The following MGAT3 variants were observed in gnomAD, a reference collection of about 807,000 sequenced individuals.
MGAT3 encodes GlcNAc-T III.
MGAT3 carries 9 observed loss-of-function variants against 29.8 expected under a neutral mutation model. The ratio of observed to expected loss-of-function variants is 0.30; its 90% CI spans 0.18 to 0.53. MGAT3 has a LOEUF of 0.53. Ranked by LOEUF, MGAT3 falls within the 20% of genes least tolerant of loss-of-function variation. The pLI is 0.96. For missense variants in MGAT3, 557 were observed against 769.5 expected, an observed-to-expected ratio of 0.72 and a Z score of 3.27; for synonymous variants, 397 against 348.9, an observed-to-expected ratio of 1.14 and a Z score of -1.54.
At chr22:39,469,639 A>G (rs1478695443) in intron 1 of MGAT3, among the ~76,000 whole-genome samples, 1 of 152,246 alleles carries the variant, frequency 6.6e-6, no homozygotes, top group East Asian at 1.9e-4. Flanking sequence ...CACCCGGGGC[A>G]CAATGCCTGG....
At chr22:39,458,243 C>T (rs1928397160) in intron 1 of MGAT3, among the ~76,000 whole-genome samples, 3 of 151,956 alleles carry the variant, frequency 2.0e-5, no homozygotes, top group Admixed American at 6.6e-5. Flanking sequence ...GAGGGGAGTG[C>T]GCCTGGGTGT....
intron 1 of MGAT3, among the ~76,000 whole-genome samples, chr22:39,483,955 C>T (rs1205919034): frequency 6.6e-6 from 1 of 152,184 alleles, no homozygotes; most frequent in African/African-American, 2.4e-5. Context: ...TCGAATGGGG[C>T]AAACGCTGCC....
intron 1 of MGAT3, among the ~76,000 whole-genome samples, chr22:39,483,340 C>G (rs971416385): frequency 2.4e-4 from 37 of 152,130 alleles, no homozygotes; most frequent in African/African-American, 8.2e-4. Context: ...ACTAAAGATA[C>G]AAAATTAGCC....
At chr22:39,482,093 A>G (rs1276899268) in intron 1 of MGAT3, among the ~76,000 whole-genome samples, 9 of 151,396 alleles carry the variant, frequency 5.9e-5, no homozygotes, top group Non-Finnish European at 1.0e-4. Context: ...AGCTAGAACT[A>G]CAGGCACATA....
chr22:39,489,067 G>T lies in MGAT3; in HGVS notation c.*118G>T. On this transcript the variant is annotated 3_prime_UTR_variant, in exon 2 of 2. Coordinates refer to ENST00000341184, the MANE Select transcript of MGAT3 (RefSeq NM_002409.5). The stretch of plus-strand genomic sequence containing the variant: ...AGGGGACCAGGAGTGGGTGGGGAGT[G>T]GGGGTGGGGGTAGGGTTTCCCTACT... The T allele has an allele frequency of 8.7e-7, 1 of 1,145,714 alleles. No homozygotes were observed. The allele number at this position is 1,145,714 out of a possible 1,614,324, so 71.0% of individuals were successfully genotyped here. A position where few individuals can be genotyped will look rare whatever the true frequency, so the allele number is the denominator to read the frequency against.
chr22:39,462,936 C>A (rs969490163), intron 1 of MGAT3, among the ~76,000 whole-genome samples: 2 of 152,136 alleles, frequency 1.3e-5, no homozygotes, highest in African/African-American at 4.8e-5. Context: ...GGGAGACAGA[C>A]CTGTGCACGT....
In MGAT3 at chr22:39,489,048, C is replaced by A; in HGVS notation, c.*99C>A. On this transcript the variant is annotated 3_prime_UTR_variant, in exon 2 of 2. Coordinates refer to ENST00000341184, the MANE Select transcript of MGAT3 (RefSeq NM_002409.5). The stretch of plus-strand genomic sequence containing the variant: ...GCCGGCTCCTTGGTTCTTGAGGGGA[C>A]CAGGAGTGGGTGGGGAGTGGGGGTG... The A allele has an allele frequency of 7.3e-7, 1 of 1,376,686 alleles. No homozygotes were observed. The highest frequency in any genetic ancestry group is 9.7e-7 in the Non-Finnish European group (1 of 1,032,370). 85.3% of individuals were successfully genotyped at this position (1,376,686 alleles called of 1,614,324 possible).
At position 39,488,745 on chromosome 22, in the gene MGAT3, C is replaced by T. The variant is rs371980607; in HGVS notation, c.1398C>T (p.Asp466=). ...TGATCCGCACCGGGGGCTGGTTCGA[C>T]GGCACGCAGCAGGAGTACCCGCCTG... ...RGLIRTGGWF[D]GTQQEYPPAD... Residue 466 remains aspartate (D), a synonymous_variant, in exon 2 of 2, where the codon GAC becomes GAT. Coordinates refer to ENST00000341184, the MANE Select transcript of MGAT3 (RefSeq NM_002409.5). 6 of 1,613,058 alleles carry T rather than the reference C, an allele frequency of 3.7e-6. No individual in the cohort carries two copies. Among genetic ancestry groups the T allele is most frequent in the South Asian group, 2.2e-5 (2 of 91,026 alleles).
At position 39,488,919 on chromosome 22, in the gene MGAT3, C is replaced by T. The variant is rs1435761161; in HGVS notation, c.1572C>T (p.Ala524=). The T allele has an allele frequency of 2.5e-6, 4 of 1,604,990 alleles. No individual in the cohort carries two copies. The South Asian group carries it at 4.4e-5, about 18-fold the overall frequency. ...GGGGTCCCGAGGGAAGGCCGCCCGC[C>T]CGGGGCAAACTGGACGAGGCGGAAG... ...RHRGPEGRPP[A]RGKLDEAEV The change falls in exon 2 of 2, where the codon GCC becomes GCT. Residue 524 remains alanine, a synonymous_variant. Transcript: ENST00000341184.
At chr22:39,475,453 C>T (rs1928931242) in intron 1 of MGAT3, among the ~76,000 whole-genome samples, 1 of 152,124 alleles carries the variant, frequency 6.6e-6, no homozygotes, top group Non-Finnish European at 1.5e-5. Context: ...TCTCCTTCTG[C>T]CAATCACCTG....
chr22:39,476,945 G>A (rs1016563250), intron 1 of MGAT3: 1 of 152,274 alleles, frequency 6.6e-6, no homozygotes. Flanking sequence ...TGTTTCTTCA[G>A]TCTCGCCGGG....
intron 1 of MGAT3, among the ~76,000 whole-genome samples, chr22:39,485,203 A>C (rs1929237260): frequency 6.6e-6 from 1 of 152,066 alleles, no homozygotes; most frequent in Non-Finnish European, 1.5e-5. Flanking sequence ...CAGCATCTTC[A>C]CTGGTCAAAT....
intron 1 of MGAT3, among the ~76,000 whole-genome samples, chr22:39,480,449 G>A (rs967288545): frequency 1.3e-5 from 2 of 152,092 alleles, no homozygotes; most frequent in East Asian, 1.9e-4. Context: ...CTCAAGCCAC[G>A]TACATCCAGG....
rs1477596047 is a variant in MGAT3 at position 39,489,574 on chromosome 22, G to A, written c.*625G>A. 1.8e-5 allele frequency: 3 copies of A among 168,518 alleles called. No homozygotes were observed. Among genetic ancestry groups the A allele is most frequent in the Non-Finnish European group, 2.9e-5 (2 of 69,250 alleles). 10.4% of individuals were successfully genotyped at this position (168,518 alleles called of 1,614,324 possible). On this transcript the variant is annotated 3_prime_UTR_variant, in exon 2 of 2. Transcript: ENST00000341184. ...CCCCCTGCCGCAAAGGACAGGACCT[G>A]GCTGCCCTGGGATGCTGGTGCCTGA...
At chr22:39,486,395 G>T in intron 1 of MGAT3, 1 of 228,102 alleles carries the variant, frequency 4.4e-6, no homozygotes, top group Non-Finnish European at 8.9e-6. Context: ...TGCCCACCTC[G>T]GCCTCCCAAA....
intron 1 of MGAT3, among the ~76,000 whole-genome samples, chr22:39,470,350 C>T (rs1358267331): frequency 1.3e-5 from 2 of 152,198 alleles, no homozygotes; most frequent in East Asian, 1.9e-4. Context: ...TCAGCCAGTG[C>T]GAGGACCCTG....
At position 39,489,377 on chromosome 22, in the gene MGAT3, C is replaced by T. The variant is rs1010002947; in HGVS notation, c.*428C>T. ...TGGGCCTTGGGCTCCGTGTGGGAGACCGGCCTGCCAGGAGGACCCAGGGCT... is the reference window on the plus strand; with the variant it reads ...TGGGCCTTGGGCTCCGTGTGGGAGATCGGCCTGCCAGGAGGACCCAGGGCT... On this transcript the variant is annotated 3_prime_UTR_variant, in exon 2 of 2. Coordinates refer to ENST00000341184, the MANE Select transcript of MGAT3 (RefSeq NM_002409.5). 1 of 217,420 alleles carries T rather than the reference C, an allele frequency of 4.6e-6. No homozygotes were observed. The highest frequency in any genetic ancestry group is 1.0e-5 in the Non-Finnish European group (1 of 99,372). 13.5% of individuals were successfully genotyped at this position (217,420 alleles called of 1,614,324 possible).
At chr22:39,465,047 G>A (rs940941535) in intron 1 of MGAT3, among the ~76,000 whole-genome samples, 5 of 152,102 alleles carry the variant, frequency 3.3e-5, no homozygotes. Flanking sequence ...GAGCCACCAC[G>A]CCCGGCCTCT....
intron 1 of MGAT3, among the ~76,000 whole-genome samples, chr22:39,483,006 G>A (rs1374152720): frequency 6.6e-6 from 1 of 152,240 alleles, no homozygotes; most frequent in South Asian, 2.1e-4. Context: ...GCAGGTCCAC[G>A]GAGGCCCTTT....
Sources: allele counts gnomAD v4.1 joint callset (sites outside exome capture counted in the v4.1 genomes callset), GRCh38; gene constraint gnomAD v4.1.1; transcripts MANE v1.5; gene names NCBI Gene and HGNC (gene_info 2026-07-23, HGNC 2026-07-21).